DGKB: variants seen among roughly 807,000 people sequenced by gnomAD.
DGKB encodes the protein diacylglycerol kinase beta.
DGKB carries 67 observed loss-of-function variants against 114.3 expected under a neutral mutation model. The observed-to-expected ratio is 0.59, with a 90% CI of 0.48 to 0.72. The LOEUF is 0.72. Among genes scored for constraint, DGKB ranks in the 30% least tolerant of loss-of-function variants. DGKB has a pLI of 0.00. For missense variants in DGKB, 907 were observed against 975.2 expected (o/e 0.93, Z 0.93); for synonymous variants, 398 against 323.1 (o/e 1.23, Z -2.49).
chr7:14,258,200 T>G (rs990708413), intron 23 of DGKB, among the ~76,000 whole-genome samples: 5 of 152,200 alleles, frequency 3.3e-5, no homozygotes, highest in Non-Finnish European at 7.3e-5. Context: ...TGTAGAACAG[T>G]ACGACTTTGT....
In DGKB at chr7:14,776,959, T is replaced by C. The variant is rs141301800; in HGVS notation, c.71-19228A>G. On this transcript the variant is annotated intron_variant, in intron 2 of 25. Coordinates refer to ENST00000402815, the MANE Select transcript of DGKB (RefSeq NM_001350709.2). ...AGGAGGGAAGCTGTATTCTGCAAGC[T>C]ACAGGGGTGGAGATTCCCAAGGCTC... is the stretch of plus-strand genomic sequence containing the variant. 1.7e-3 allele frequency among the ~76,000 whole-genome samples: 263 copies of C among 152,318 alleles called. 1 individual carries two copies. Among genetic ancestry groups the C allele is most frequent in the African/African-American group, 6.0e-3 (249 of 41,574 alleles).
intron 21 of DGKB, among the ~76,000 whole-genome samples, chr7:14,453,995 T>G (rs1831909671): frequency 6.6e-6 from 1 of 152,174 alleles, no homozygotes; most frequent in Non-Finnish European, 1.5e-5. Context: ...TTCATTAATA[T>G]TATTTTTGTA....
At chr7:14,329,364 A>T (rs1287706413) in intron 23 of DGKB, among the ~76,000 whole-genome samples, 2 of 151,940 alleles carry the variant, frequency 1.3e-5, no homozygotes, top group East Asian at 3.9e-4. Context: ...AAGGTAAAAT[A>T]AAAGTCTGAT....
intron 13 of DGKB, among the ~76,000 whole-genome samples, chr7:14,665,213 C>G (rs1000004682): frequency 6.6e-6 from 1 of 151,820 alleles, no homozygotes; most frequent in Non-Finnish European, 1.5e-5. Flanking sequence ...TCTTCAAGAT[C>G]GATCGTGTTC....
At chr7:14,375,745 G>A (rs1222213515) in intron 21 of DGKB, among the ~76,000 whole-genome samples, 1 of 152,166 alleles carries the variant, frequency 6.6e-6, no homozygotes, top group Non-Finnish European at 1.5e-5. Flanking sequence ...CATCTGAAAT[G>A]CTGCTGTTTT....
chr7:14,643,647 T>C (rs1471770002), intron 13 of DGKB, among the ~76,000 whole-genome samples: 1 of 152,108 alleles, frequency 6.6e-6, no homozygotes. Flanking sequence ...GAAGTCTGCC[T>C]CCAGGACACA....
chr7:14,635,786 G>A (rs1279511168), intron 13 of DGKB, among the ~76,000 whole-genome samples: 1 of 151,224 alleles, frequency 6.6e-6, no homozygotes. Flanking sequence ...CAGTATAATA[G>A]ACTGATACAT....
intron 21 of DGKB, among the ~76,000 whole-genome samples, chr7:14,415,875 A>G (rs1825651926): frequency 2.0e-5 from 3 of 152,148 alleles, no homozygotes; most frequent in Non-Finnish European, 4.4e-5. Flanking sequence ...GAACTAGTTT[A>G]CAGTCCCACC....
At chr7:14,597,785 G>C (rs988785438) in intron 17 of DGKB, among the ~76,000 whole-genome samples, 2 of 152,006 alleles carry the variant, frequency 1.3e-5, no homozygotes, top group South Asian at 4.2e-4. Flanking sequence ...AAGGTTCCTG[G>C]GTGACTACTG....
intron 20 of DGKB, among the ~76,000 whole-genome samples, chr7:14,509,182 T>C (rs557556794): frequency 1.3e-5 from 2 of 152,262 alleles, no homozygotes; most frequent in East Asian, 3.9e-4. Context: ...TGAAGGCATA[T>C]AGGAATACCT....
At chr7:14,510,474 T>C (rs1379975612) in intron 20 of DGKB, among the ~76,000 whole-genome samples, 1 of 152,184 alleles carries the variant, frequency 6.6e-6, no homozygotes, top group Non-Finnish European at 1.5e-5. Context: ...ATTGCAGTTA[T>C]TCAGTCACAT....
chr7:14,569,625 G>A (rs1798081861), intron 20 of DGKB, among the ~76,000 whole-genome samples: 1 of 151,950 alleles, frequency 6.6e-6, no homozygotes, highest in South Asian at 2.1e-4. Flanking sequence ...TTATTTCATA[G>A]GACCATTCTG....
chr7:14,798,146 G>C (rs2128040435), intron 2 of DGKB, among the ~76,000 whole-genome samples: 1 of 152,308 alleles, frequency 6.6e-6, no homozygotes, highest in East Asian at 1.9e-4. Context: ...GAGCAATCAA[G>C]AGAGAGTGGG....
intron 21 of DGKB, among the ~76,000 whole-genome samples, chr7:14,365,994 T>G (rs1816616484): frequency 6.6e-6 from 1 of 152,072 alleles, no homozygotes; most frequent in Admixed American, 6.6e-5. Flanking sequence ...GGCTAAAATT[T>G]CAGGAGTTTT....
intron 4 of DGKB, among the ~76,000 whole-genome samples, chr7:14,750,343 A>C (rs1297933614): frequency 6.6e-6 from 1 of 152,208 alleles, no homozygotes; most frequent in East Asian, 1.9e-4. Flanking sequence ...AAAGATATAC[A>C]CAAATAAGGT....
intron 20 of DGKB, among the ~76,000 whole-genome samples, chr7:14,542,900 T>C (rs1311886340): frequency 1.3e-5 from 2 of 152,184 alleles, no homozygotes; most frequent in Admixed American, 6.5e-5. Flanking sequence ...GAGTGTTGCT[T>C]CAGCTGACTT....
intron 1 of DGKB, among the ~76,000 whole-genome samples, chr7:14,901,614 C>G (rs1454854710): frequency 1.4e-5 from 2 of 143,428 alleles, no homozygotes; most frequent in East Asian, 2.4e-4. Context: ...CACCCCCCCC[C>G]ACCCCCCACT....
At chr7:14,910,594 G>A (rs183620836) in intron 1 of DGKB, among the ~76,000 whole-genome samples, 96 of 152,040 alleles carry the variant, frequency 6.3e-4, no homozygotes, top group African/African-American at 2.2e-3. Context: ...ACTATCCTAC[G>A]AAGAAGATAC....
At chr7:14,557,576 A>G (rs1233608587) in intron 20 of DGKB, among the ~76,000 whole-genome samples, 1 of 151,568 alleles carries the variant, frequency 6.6e-6, no homozygotes, top group East Asian at 1.9e-4. Flanking sequence ...GCTTATTTTT[A>G]TCTTTTTAAA....
Sources: allele counts gnomAD v4.1 joint callset (sites outside exome capture counted in the v4.1 genomes callset), GRCh38; gene constraint gnomAD v4.1.1; transcripts MANE v1.5; gene names NCBI Gene and HGNC (gene_info 2026-07-23, HGNC 2026-07-21).